The following DENND3 variants were observed in gnomAD, a reference collection of about 807,000 sequenced individuals.
DENND3 encodes DENN domain-containing protein 3.
In DENND3, 88 loss-of-function variants were observed where a neutral mutation model predicts 135.1. The ratio of observed to expected loss-of-function variants is 0.65; its 90% CI spans 0.55 to 0.78. The LOEUF is 0.78. DENND3 is among the 30% of genes least tolerant of loss of function. The pLI, the probability that DENND3 is intolerant of heterozygous loss-of-function variation, is 0.00. For synonymous variants in DENND3, 693 were observed against 712.3 expected, an observed-to-expected ratio of 0.97 and a Z score of 0.43; for missense variants, 1,392 against 1,688.4, an observed-to-expected ratio of 0.82 and a Z score of 3.08.
rs1437170444 is a variant in DENND3, at chr8:141,175,523, T to A, written c.2535+64T>A. ...GTGTTTAGGAGACAGATGGCTGGAG[T>A]GGGCCCTGAGCAGTCTGCCAGCCAT... On this transcript the variant is annotated intron_variant, in intron 14 of 22. Coordinates refer to ENST00000519811, the MANE Select transcript of DENND3 (RefSeq NM_001352890.3). This position sits in a 1 kb window ranked among gnomAD's most constrained non-coding sequence, Gnocchi z 5.4. 6.2e-7 allele frequency: 1 copy of A among 1,610,968 alleles called. No homozygotes were observed. The highest frequency in any genetic ancestry group is 1.3e-5 in the African/African-American group (1 of 74,856).
At chr8:141,133,111 G>A (rs1347022734) in intron 1 of DENND3, among the ~76,000 whole-genome samples, 1 of 152,180 alleles carries the variant, frequency 6.6e-6, no homozygotes, top group African/African-American at 2.4e-5. Flanking sequence ...GGGTGGCAGA[G>A]ACCTTCTGCA....
chr8:141,160,859 A>ACCACGCC, intron 9 of DENND3, 72 bp downstream of exon 9: 1 of 1,529,432 alleles, frequency 6.5e-7, no homozygotes, highest in Non-Finnish European at 8.9e-7. Flanking sequence ...GGGATCGTGC[A>ACCACGCC]CCCCGCCCCA....
rs1355701169 is a variant in DENND3, at chr8:141,167,213, C to T, written c.1754-791C>T. ...GCCACTGTGGGGTCCGAGCCTTCTGCCCCTGGCTGTGTGACCCTGGGCAGG... is the reference window on the plus strand; with the variant it reads ...GCCACTGTGGGGTCCGAGCCTTCTGTCCCTGGCTGTGTGACCCTGGGCAGG... On this transcript the variant is annotated intron_variant, in intron 12 of 22. Transcript: ENST00000519811. The surrounding 1 kb of genome is among the most constrained non-coding windows in gnomAD (Gnocchi z 4.1). Among the ~76,000 whole-genome samples the T allele has an allele frequency of 6.6e-6, 1 of 152,192 alleles. No homozygotes were observed. Among genetic ancestry groups the T allele is most frequent in the Admixed American group, 6.5e-5 (1 of 15,288 alleles).
chr8:141,193,148 G>C lies in DENND3; in HGVS notation c.3636+485G>C, dbSNP rs1825000278. ...CTCTTATGGGGATGCTGGTCGTACT[G>C]GATTAACCAGTGTGACCACATCTGA... On this transcript the variant is annotated intron_variant, in intron 22 of 22. Transcript: ENST00000519811. The C allele has an allele frequency of 2.4e-5, 6 of 248,682 alleles. No individual in the cohort carries two copies. The South Asian group carries it at 2.6e-4, about 11-fold the overall frequency. The allele number at this position is 248,682 out of a possible 1,614,324, so 15.4% of individuals were successfully genotyped here. A position where few individuals can be genotyped will look rare whatever the true frequency, so the allele number is the denominator to read the frequency against.
chr8:141,187,924 C>G (rs562014559), intron 18 of DENND3, among the ~76,000 whole-genome samples: 3 of 152,196 alleles, frequency 2.0e-5, no homozygotes, highest in Non-Finnish European at 2.9e-5. Context: ...CAGTGGCTCA[C>G]GCCTGTAATC....
chr8:141,155,781 T>C, intron 7 of DENND3, 68 bp from the exon 8 acceptor site: 3 of 1,508,960 alleles, frequency 2.0e-6, no homozygotes, highest in African/African-American at 1.4e-5. Flanking sequence ...TATTTATGTG[T>C]TTTCAAAGAG....
chr8:141,147,629 C>G (rs778029164), intron 5 of DENND3, among the ~76,000 whole-genome samples: 1 of 152,252 alleles, frequency 6.6e-6, no homozygotes, highest in African/African-American at 2.4e-5. Context: ...CACTCCCCGT[C>G]TCTCCGATAG....
In DENND3 at chr8:141,194,377, C is replaced by A; in HGVS notation, c.*144C>A. The A allele has an allele frequency of 1.0e-6, 1 of 963,404 alleles. No individual in the cohort carries two copies. The highest frequency in any genetic ancestry group is 1.5e-6 in the Non-Finnish European group (1 of 656,484). The allele number at this position is 963,404 out of a possible 1,614,324, so 59.7% of individuals were successfully genotyped here. A position where few individuals can be genotyped will look rare whatever the true frequency, so the allele number is the denominator to read the frequency against. On this transcript the variant is annotated 3_prime_UTR_variant, in exon 23 of 23. Coordinates refer to ENST00000519811, the MANE Select transcript of DENND3 (RefSeq NM_001352890.3). ...TGGAGCCCACTTACCGTGTGGCCAGCCGCGAGACCCATGGCCACGCACCTT... is the reference window on the plus strand; with the variant it reads ...TGGAGCCCACTTACCGTGTGGCCAGACGCGAGACCCATGGCCACGCACCTT...
chr8:141,190,544 T>C (rs1824585203), intron 20 of DENND3, 127 bp downstream of exon 20: 4 of 1,362,756 alleles, frequency 2.9e-6, no homozygotes, highest in Non-Finnish European at 3.8e-6. Context: ...TAAACTCGGG[T>C]TCCCTTTCTG....
chr8:141,142,327 T>A, intron 4 of DENND3: 1 of 455,074 alleles, frequency 2.2e-6, no homozygotes, highest in Non-Finnish European at 4.4e-6. Context: ...TAACAACAGT[T>A]CCCTTTTGTG....
Position 141,150,861 on chromosome 8 carries a change from G to A in DENND3, c.763G>A (p.Val255Met). Residue 255 changes from valine (V) to methionine (M), a missense_variant, in exon 6 of 23, where the codon GTG becomes ATG. Coordinates refer to ENST00000519811, the MANE Select transcript of DENND3 (RefSeq NM_001352890.3). Reference sequence around the variant, plus strand: ...ATTTAACATGAAGTCGCTCCAGATTGTGTTACCTGCCCGAGCAGACCCCGA... The same window carrying A: ...ATTTAACATGAAGTCGCTCCAGATTATGTTACCTGCCCGAGCAGACCCCGA... ...LVFNMKSLQI[V>M]LPARADPESP... 6.2e-7 allele frequency: 1 copy of A among 1,606,796 alleles called. No homozygotes were observed. Among genetic ancestry groups the A allele is most frequent in the South Asian group, 1.1e-5 (1 of 90,010 alleles).
Position 141,155,844 on chromosome 8 carries a change from T to C in DENND3, c.1075-5T>C, listed in dbSNP as rs757631315. On this transcript the variant is annotated splice_polypyrimidine_tract_variant and splice_region_variant and intron_variant, in intron 7 of 22. Transcript: ENST00000519811. ...AATCTTTACAGATGATTCCTTGTTT[T>C]CTAGGAAGCCGACGGTTTAGTTCTG... 1.3e-6 allele frequency: 2 copies of C among 1,581,772 alleles called. No homozygotes were observed. The highest frequency in any genetic ancestry group is 1.4e-5 in the African/African-American group (1 of 73,600).
At chr8:141,136,870 G>A in intron 2 of DENND3, 79 bp downstream of exon 2, 1 of 1,435,484 alleles carries the variant, frequency 7.0e-7, no homozygotes. Context: ...AAACCCACAG[G>A]CAGAGGGAAG....
Position 141,174,314 on chromosome 8 carries a change from C to T in DENND3, c.2276-886C>T, listed in dbSNP as rs566268124. 1.3e-5 allele frequency among the ~76,000 whole-genome samples: 2 copies of T among 152,180 alleles called. No homozygotes were observed. The highest frequency in any genetic ancestry group is 2.4e-5 in the African/African-American group (1 of 41,480). On this transcript the variant is annotated intron_variant, in intron 13 of 22. Coordinates refer to ENST00000519811, the MANE Select transcript of DENND3 (RefSeq NM_001352890.3). This position sits in a 1 kb window ranked among gnomAD's most constrained non-coding sequence, Gnocchi z 4.6. ...TGCCACGCAAAGCAGGCTGTGAGTG[C>T]GGGTGGCTCTGAAGGCAGGAGCCAC...
Position 141,141,498 on chromosome 8 carries a change from T to G in DENND3, c.623+174T>G. ...TAGGAGGGGCAGTTCTCTGTGCCTC[T>G]TAGGCTGTTGCTTAAGGCTGGGGGC... On this transcript the variant is annotated intron_variant, in intron 4 of 22. Transcript: ENST00000519811. The surrounding 1 kb of genome is among the most constrained non-coding windows in gnomAD (Gnocchi z 5.3). 1.4e-6 allele frequency: 1 copy of G among 709,246 alleles called. No individual in the cohort carries two copies. Among genetic ancestry groups the G allele is most frequent in the Non-Finnish European group, 2.3e-6 (1 of 443,572 alleles). The allele number at this position is 709,246 out of a possible 1,614,324, so 43.9% of individuals were successfully genotyped here.
intron 5 of DENND3, 42 bp from the exon 6 acceptor site, chr8:141,150,792 G>A (rs781302744): frequency 4.5e-6 from 7 of 1,546,036 alleles, no homozygotes; most frequent in East Asian, 4.6e-5. Context: ...GCCTCTGCCC[G>A]GAGCAGCTCT....
chr8:141,180,599 C>T, intron 16 of DENND3, 148 bp from the exon 17 acceptor site: 1 of 714,302 alleles, frequency 1.4e-6, no homozygotes, highest in Non-Finnish European at 2.3e-6. Flanking sequence ...CTTTCAGTGC[C>T]CCGGGTCCAA....
In DENND3 at chr8:141,175,420, G is replaced by T. The variant is rs754070715; in HGVS notation, c.2496G>T (p.Arg832Ser). Residue 832 changes from arginine (R) to serine (S), a missense_variant, in exon 14 of 23, where the codon AGG (arginine) becomes AGT (serine). Transcript: ENST00000519811. This position sits in a 1 kb window ranked among gnomAD's most constrained non-coding sequence, Gnocchi z 5.4. ...GCCTGTTCCTCCTAACCGAAGGAAG[G>T]CCAGGCTACTTGGAGATTTCCACCT... ...QKRLFLLTEG[R>S]PGYLEISTFR... 2.9e-5 allele frequency: 47 copies of T among 1,614,048 alleles called. No homozygotes were observed. The East Asian group carries it at 8.7e-4, about 30-fold the overall frequency.
chr8:141,192,916 T>G, intron 22 of DENND3: 1 of 1,454,414 alleles, frequency 6.9e-7, no homozygotes, highest in Non-Finnish European at 9.1e-7. Context: ...TGACAGAACT[T>G]AATTTTCTCA....
Sources: allele counts gnomAD v4.1 joint callset (sites outside exome capture counted in the v4.1 genomes callset), GRCh38; gene constraint gnomAD v4.1.1; non-coding constraint Gnocchi (gnomAD v3.1); transcripts MANE v1.5; gene names NCBI Gene and HGNC (gene_info 2026-07-23, HGNC 2026-07-21).